The following KCTD20 variants were observed in gnomAD, a reference collection of about 807,000 sequenced individuals.
KCTD20 encodes the protein BTB/POZ domain-containing protein KCTD20.
In KCTD20, 30 loss-of-function variants were observed where a neutral mutation model predicts 39.6. That is an observed-to-expected ratio of 0.76 (90% CI 0.57 to 1.03). The LOEUF (loss-of-function observed/expected upper bound fraction) is 1.03. Ranked by LOEUF, KCTD20 falls within the 50% of genes least tolerant of loss-of-function variation. The pLI, the probability that KCTD20 is intolerant of heterozygous loss-of-function variation, is 0.00. For missense variants in KCTD20, 422 were observed against 522.0 expected (o/e 0.81, Z 1.87); for synonymous variants, 162 against 180.6 (o/e 0.90, Z 0.83).
intron 1 of KCTD20, among the ~76,000 whole-genome samples, chr6:36,466,136 C>T (rs2127441413): frequency 6.7e-6 from 1 of 150,360 alleles, no homozygotes; most frequent in South Asian, 2.1e-4. Flanking sequence ...GCTCTAAGCT[C>T]ACTGCAATCT....
At chr6:36,482,588 T>C (rs765648679) in intron 6 of KCTD20, among the ~76,000 whole-genome samples, 1 of 152,018 alleles carries the variant, frequency 6.6e-6, no homozygotes, top group Non-Finnish European at 1.5e-5. Context: ...CATTCTTTTT[T>C]GTGGCTCTAT....
Position 36,481,609 on chromosome 6 carries a change from G to T in KCTD20, c.706G>T (p.Asp236Tyr). 2 of 1,614,188 alleles carry T rather than the reference G, an allele frequency of 1.2e-6. No individual in the cohort carries two copies. The highest frequency in any genetic ancestry group is 2.2e-5 in the South Asian group (2 of 91,052). Reference protein sequence around the residue: ...LSNDGAHKQFDHYLEELILPI... With the variant: ...LSNDGAHKQFYHYLEELILPI... ...TAATGACGGTGCTCATAAGCAGTTT[G>T]ATCACTACCTCGAAGAGCTCATCTT... The change falls in exon 6 of 8, where the codon GAT (aspartate) becomes TAT (tyrosine). Residue 236 changes from aspartate to tyrosine, a missense_variant. Asp to Tyr is a radical substitution (Grantham distance 160). Coordinates refer to ENST00000373731, the MANE Select transcript of KCTD20 (RefSeq NM_173562.5).
chr6:36,474,726 G>T (rs1776011589), intron 2 of KCTD20, 63 bp from the exon 3 acceptor site: 11 of 1,420,554 alleles, frequency 7.7e-6, no homozygotes, highest in Non-Finnish European at 1.0e-5. Context: ...AGAAGACAGG[G>T]TTTATTTTTC....
intron 1 of KCTD20, among the ~76,000 whole-genome samples, chr6:36,464,441 C>T (rs1056182998): frequency 6.6e-6 from 1 of 152,172 alleles, no homozygotes; most frequent in Non-Finnish European, 1.5e-5. Flanking sequence ...TCCACAGCCT[C>T]CTGAGCAGCT....
intron 6 of KCTD20, 113 bp from the exon 7 acceptor site, chr6:36,484,601 G>T (rs1561960882): frequency 3.5e-6 from 2 of 575,666 alleles, no homozygotes; most frequent in Non-Finnish European, 3.1e-6. Context: ...GATCCATCTG[G>T]ATTATTTGGG....
chr6:36,470,393 A>G, intron 2 of KCTD20, 136 bp downstream of exon 2: 1 of 773,300 alleles, frequency 1.3e-6, no homozygotes, highest in South Asian at 2.1e-5. Context: ...ACAATTACAT[A>G]AAGCTGACCT....
chr6:36,450,281 A>C (rs1026367653), intron 1 of KCTD20, among the ~76,000 whole-genome samples: 2 of 151,226 alleles, frequency 1.3e-5, no homozygotes, highest in African/African-American at 4.9e-5. Context: ...TGAGGTCAGG[A>C]GTTTGAGACC....
Position 36,459,127 on chromosome 6 carries a change from C to T in KCTD20, c.-46-10925C>T, listed in dbSNP as rs578020734. ...AAGAGTTTGAGACCAGCCTGGCCAA[C>T]GTGGTGAAACCCCATCTCTACTAAA... On this transcript the variant is annotated intron_variant, in intron 1 of 7. Coordinates refer to ENST00000373731, the MANE Select transcript of KCTD20 (RefSeq NM_173562.5). Among the ~76,000 whole-genome samples, 118 of 152,210 alleles carry T rather than the reference C, an allele frequency of 7.8e-4. 1 individual carries two copies. The highest frequency in any genetic ancestry group is 6.8e-3 in the Middle Eastern group (2 of 292).
chr6:36,446,695 T>G (rs1397590308), intron 1 of KCTD20, among the ~76,000 whole-genome samples: 1 of 152,258 alleles, frequency 6.6e-6, no homozygotes, highest in Admixed American at 6.5e-5. Context: ...AATGTGATAT[T>G]TCTTAATGGA....
At chr6:36,462,173 C>T (rs535610198) in intron 1 of KCTD20, among the ~76,000 whole-genome samples, 17 of 152,082 alleles carry the variant, frequency 1.1e-4, no homozygotes, top group South Asian at 4.2e-4. Flanking sequence ...TTTTCATAAC[C>T]CTTGTGGAGT....
chr6:36,453,504 T>C (rs963219857), intron 1 of KCTD20, among the ~76,000 whole-genome samples: 2 of 151,594 alleles, frequency 1.3e-5, no homozygotes, highest in Admixed American at 6.6e-5. Flanking sequence ...TCTTTTCTAA[T>C]GTTTTGTTTT....
chr6:36,473,941 G>T (rs143857448), intron 2 of KCTD20, among the ~76,000 whole-genome samples: 1 of 152,174 alleles, frequency 6.6e-6, no homozygotes, highest in East Asian at 1.9e-4. Flanking sequence ...AAAAAATAGT[G>T]TAGGTGATGT....
At chr6:36,468,720 G>C (rs553832004) in intron 1 of KCTD20, among the ~76,000 whole-genome samples, 15 of 152,208 alleles carry the variant, frequency 9.9e-5, no homozygotes, top group African/African-American at 3.6e-4. Flanking sequence ...TTTTAAGAAA[G>C]GATAATTGTG....
intron 1 of KCTD20, among the ~76,000 whole-genome samples, chr6:36,454,216 C>T (rs1314413241): frequency 6.6e-6 from 1 of 152,172 alleles, no homozygotes; most frequent in African/African-American, 2.4e-5. Context: ...GACAAACTAC[C>T]TCCTGCTGCC....
chr6:36,462,831 T>C (rs539259331), intron 1 of KCTD20, among the ~76,000 whole-genome samples: 4 of 152,316 alleles, frequency 2.6e-5, no homozygotes, highest in South Asian at 4.1e-4. Flanking sequence ...CCTTCTCTTA[T>C]AGCCCCTCCA....
At chr6:36,474,591 A>T (rs1776006826) in intron 2 of KCTD20, among the ~76,000 whole-genome samples, 198 bp from the exon 3 acceptor site, 2 of 152,164 alleles carry the variant, frequency 1.3e-5, no homozygotes, top group South Asian at 4.1e-4. Context: ...ATGTACATGG[A>T]AGAGATCCAA....
chr6:36,462,167 C>T (rs1775620226), intron 1 of KCTD20, among the ~76,000 whole-genome samples: 1 of 152,146 alleles, frequency 6.6e-6, no homozygotes, highest in Non-Finnish European at 1.5e-5. Context: ...CATGTATTTT[C>T]ATAACCCTTG....
intron 3 of KCTD20, among the ~76,000 whole-genome samples, chr6:36,478,551 AT>A (rs1776142241): frequency 2.0e-5 from 3 of 152,204 alleles, no homozygotes; most frequent in Non-Finnish European, 4.4e-5. Flanking sequence ...GAGTAAGGCC[AT>A]TTTTCCCCCA....
At chr6:36,486,407 C>G (rs947557756) in intron 7 of KCTD20, among the ~76,000 whole-genome samples, 7 of 152,204 alleles carry the variant, frequency 4.6e-5, no homozygotes, top group African/African-American at 1.7e-4. Flanking sequence ...ACTATTTTTC[C>G]CATTTCCATG....
Sources: allele counts gnomAD v4.1 joint callset (sites outside exome capture counted in the v4.1 genomes callset), GRCh38; gene constraint gnomAD v4.1.1; transcripts MANE v1.5; gene names NCBI Gene and HGNC (gene_info 2026-07-23, HGNC 2026-07-21).